RBFOX1: variants seen among roughly 807,000 people sequenced by gnomAD.
The protein encoded by RBFOX1 is RNA binding fox-1 homolog 1.
RBFOX1 carries 8 observed loss-of-function variants against 57.7 expected under a neutral mutation model. That is an observed-to-expected ratio of 0.14 (90% confidence interval 0.08 to 0.25). RBFOX1 has a LOEUF of 0.25. RBFOX1 is among the 10% of genes least tolerant of loss of function. The pLI, the probability that RBFOX1 is intolerant of heterozygous loss-of-function variation, is 1.00. For missense variants in RBFOX1, 611 were observed against 548.5 expected (o/e 1.11, Z -1.14); for synonymous variants, 326 against 222.4 (o/e 1.47, Z -4.15).
chr16:6,102,289 A>G (rs2096321844), intron 1 of RBFOX1, among the ~76,000 whole-genome samples: 1 of 151,538 alleles, frequency 6.6e-6, no homozygotes, highest in Non-Finnish European at 1.5e-5. Flanking sequence ...TTTCCTTCTT[A>G]GAAAGAATGT....
intron 2 of RBFOX1, among the ~76,000 whole-genome samples, chr16:5,596,380 C>T (rs561461030): frequency 6.6e-6 from 1 of 152,278 alleles, no homozygotes; most frequent in Admixed American, 6.5e-5. Context: ...GCTACGAAGC[C>T]AATACTGGCT....
chr16:5,719,823 G>C (rs145387399), intron 3 of RBFOX1, among the ~76,000 whole-genome samples: 1 of 152,134 alleles, frequency 6.6e-6, no homozygotes, highest in Non-Finnish European at 1.5e-5. Flanking sequence ...CATTTGGGTT[G>C]TTTCCGTGTT....
chr16:7,577,431 C>G (rs1390046020), intron 5 of RBFOX1, among the ~76,000 whole-genome samples: 2 of 152,218 alleles, frequency 1.3e-5, no homozygotes, highest in African/African-American at 2.4e-5. Context: ...CTCTGCACAT[C>G]TGCACATGCA....
chr16:6,472,961 G>T (rs1159625486), intron 2 of RBFOX1, among the ~76,000 whole-genome samples: 3 of 152,046 alleles, frequency 2.0e-5, no homozygotes, highest in East Asian at 1.9e-4. Context: ...AAGAATTGTT[G>T]TAAGGAAGAT....
chr16:5,365,714 C>T (rs947229852), intron 1 of RBFOX1: 7 of 382,914 alleles, frequency 1.8e-5, no homozygotes, highest in South Asian at 6.2e-5. Flanking sequence ...GGTGTGATTC[C>T]GTCCTGCATG....
At chr16:6,475,343 G>A (rs1184987254) in intron 2 of RBFOX1, among the ~76,000 whole-genome samples, 1 of 152,162 alleles carries the variant, frequency 6.6e-6, no homozygotes, top group Non-Finnish European at 1.5e-5. Context: ...TAAGTTATAA[G>A]GAGATGGAAT....
At chr16:7,440,905 T>C (rs1357407358) in intron 4 of RBFOX1, among the ~76,000 whole-genome samples, 1 of 152,154 alleles carries the variant, frequency 6.6e-6, no homozygotes, top group African/African-American at 2.4e-5. Flanking sequence ...CTGGCATGGT[T>C]GTGCACAAAT....
At chr16:6,012,351 C>T (rs530844844) in intron 4 of RBFOX1, among the ~76,000 whole-genome samples, 8 of 152,182 alleles carry the variant, frequency 5.3e-5, no homozygotes, top group African/African-American at 1.7e-4. Context: ...ATTAGTAGTT[C>T]TGTTACCACC....
intron 4 of RBFOX1, among the ~76,000 whole-genome samples, chr16:7,251,627 C>T (rs763359865): frequency 2.6e-5 from 4 of 152,046 alleles, no homozygotes; most frequent in Non-Finnish European, 4.4e-5. Flanking sequence ...ACCATGTTGG[C>T]TTGCCTGGTC....
At chr16:5,814,756 G>A (rs1316212344) in intron 3 of RBFOX1, among the ~76,000 whole-genome samples, 4 of 152,094 alleles carry the variant, frequency 2.6e-5, no homozygotes, top group East Asian at 3.9e-4. Context: ...GTGAAACCCC[G>A]TCTCTACTAA....
At chr16:6,351,808 A>G (rs1599951043) in intron 2 of RBFOX1, among the ~76,000 whole-genome samples, 1 of 152,336 alleles carries the variant, frequency 6.6e-6, no homozygotes, top group East Asian at 1.9e-4. Flanking sequence ...AAATAAGGAT[A>G]TTAGCATTTC....
At chr16:7,647,137 T>G (rs2063903664) in intron 11 of RBFOX1, among the ~76,000 whole-genome samples, 1 of 152,178 alleles carries the variant, frequency 6.6e-6, no homozygotes, top group Non-Finnish European at 1.5e-5. Context: ...GGGACAGAAC[T>G]TCTTATTCCC....
chr16:7,058,480 A>G (rs9930603), intron 4 of RBFOX1, among the ~76,000 whole-genome samples: 105,441 of 151,674 alleles, frequency 0.7, 37,701 homozygotes, highest in East Asian at 0.91. Flanking sequence ...GCAACTTAGC[A>G]CTTTGTAGCC....
intron 2 of RBFOX1, among the ~76,000 whole-genome samples, chr16:6,320,728 CCTGAAAACTAA>C (rs1184337084): frequency 6.6e-6 from 1 of 151,868 alleles, no homozygotes; most frequent in African/African-American, 2.4e-5. Flanking sequence ...GACTATTACA[CCTGAAAACTAA>C]CTGAAAACTA....
At chr16:6,388,662 C>A (rs944894415) in intron 2 of RBFOX1, among the ~76,000 whole-genome samples, 1 of 152,050 alleles carries the variant, frequency 6.6e-6, no homozygotes, top group East Asian at 1.9e-4. Flanking sequence ...ATTGCTTGAA[C>A]CTAGGAGTTT....
intron 3 of RBFOX1, among the ~76,000 whole-genome samples, chr16:6,999,124 C>T (rs1281365311): frequency 1.3e-5 from 2 of 151,518 alleles, no homozygotes; most frequent in African/African-American, 2.4e-5. Context: ...CCGCCTCTGC[C>T]TCCCAAAGTA....
At chr16:6,286,369 T>TAA (rs34371647) in intron 1 of RBFOX1, among the ~76,000 whole-genome samples, 9 of 152,080 alleles carry the variant, frequency 5.9e-5, no homozygotes, top group East Asian at 3.9e-4. Flanking sequence ...TGAGAACTTT[T>TAA]AAAATCACAG....
At chr16:6,039,176 C>T (rs747710800) in intron 1 of RBFOX1, among the ~76,000 whole-genome samples, 1 of 151,896 alleles carries the variant, frequency 6.6e-6, no homozygotes, top group African/African-American at 2.4e-5. Context: ...AGGGCATTTC[C>T]TCTTCCACTT....
At chr16:5,303,077 G>A (rs149014592) in intron 1 of RBFOX1, among the ~76,000 whole-genome samples, 2 of 152,038 alleles carry the variant, frequency 1.3e-5, no homozygotes, top group Admixed American at 6.6e-5. Flanking sequence ...CTTTTTTGGG[G>A]TGTTGCTTTG....
Sources: allele counts gnomAD v4.1 joint callset (sites outside exome capture counted in the v4.1 genomes callset), GRCh38; gene constraint gnomAD v4.1.1; transcripts MANE v1.5; gene names NCBI Gene and HGNC (gene_info 2026-07-23, HGNC 2026-07-21).